The following CTTNBP2 variants were observed in gnomAD, a reference collection of about 807,000 sequenced individuals.
The protein encoded by CTTNBP2 is cortactin binding protein 2.
In CTTNBP2, 108 loss-of-function variants were observed where a neutral mutation model predicts 156.9. The ratio of observed to expected loss-of-function variants is 0.69; its 90% CI spans 0.59 to 0.81. CTTNBP2 has a LOEUF of 0.81. Ranked by LOEUF, CTTNBP2 falls within the 30% of genes least tolerant of loss-of-function variation. The pLI is 0.00. For missense variants in CTTNBP2, 1,924 were observed against 2,035.4 expected (o/e 0.95, Z 1.05); for synonymous variants, 767 against 751.8 (o/e 1.02, Z -0.33).
intron 14 of CTTNBP2, among the ~76,000 whole-genome samples, chr7:117,745,037 T>G (rs1266296963): frequency 6.6e-6 from 1 of 152,284 alleles, no homozygotes; most frequent in Non-Finnish European, 1.5e-5. Context: ...GACTAAAGTC[T>G]GGTCCATTTC....
intron 10 of CTTNBP2, 136 bp downstream of exon 10, chr7:117,760,299 G>T (rs1584956572): frequency 1.2e-6 from 1 of 819,632 alleles, no homozygotes; most frequent in African/African-American, 1.7e-5. Context: ...GAATACTCAA[G>T]TTTTTCAGCA....
chr7:117,772,442 G>A (rs1797846954), intron 8 of CTTNBP2, among the ~76,000 whole-genome samples: 1 of 152,208 alleles, frequency 6.6e-6, no homozygotes, highest in African/African-American at 2.4e-5. Context: ...AATTGCAGCA[G>A]ATTGGCCAAG....
chr7:117,776,539 C>T (rs1387183173), intron 8 of CTTNBP2, among the ~76,000 whole-genome samples: 1 of 152,084 alleles, frequency 6.6e-6, no homozygotes, highest in Non-Finnish European at 1.5e-5. Context: ...ACCTGTTATC[C>T]ACCTCCCTAC....
intron 12 of CTTNBP2, among the ~76,000 whole-genome samples, chr7:117,746,968 G>A (rs1173516157): frequency 2.6e-5 from 4 of 152,138 alleles, no homozygotes; most frequent in African/African-American, 7.2e-5. Flanking sequence ...CAAAGGCAGC[G>A]ATGTCTTGAG....
At chr7:117,739,091 C>A (rs1179560345) in intron 14 of CTTNBP2, among the ~76,000 whole-genome samples, 1 of 152,202 alleles carries the variant, frequency 6.6e-6, no homozygotes, top group Non-Finnish European at 1.5e-5. Flanking sequence ...CTCATTGCCT[C>A]AGTTTTTCAT....
intron 14 of CTTNBP2, among the ~76,000 whole-genome samples, chr7:117,740,054 T>C (rs1415547263): frequency 6.6e-6 from 1 of 152,170 alleles, no homozygotes; most frequent in Non-Finnish European, 1.5e-5. Context: ...GAGGAGAAAT[T>C]TGACCTAATT....
At chr7:117,779,691 T>A (rs951245025) in intron 7 of CTTNBP2, among the ~76,000 whole-genome samples, 3 of 151,428 alleles carry the variant, frequency 2.0e-5, no homozygotes, top group Non-Finnish European at 4.4e-5. Context: ...TAGCAATGAG[T>A]CATTAAAAAT....
At chr7:117,776,628 T>C (rs897223985) in intron 8 of CTTNBP2, among the ~76,000 whole-genome samples, 5 of 152,188 alleles carry the variant, frequency 3.3e-5, no homozygotes, top group African/African-American at 9.7e-5. Context: ...TTAACTTTCC[T>C]TGCAAAGCTC....
chr7:117,722,318 AATT>A (rs1328678926), intron 19 of CTTNBP2, among the ~76,000 whole-genome samples: 2 of 151,536 alleles, frequency 1.3e-5, no homozygotes, highest in Non-Finnish European at 2.9e-5. Context: ...TATACAGTGT[AATT>A]ATTGGAAAAA....
chr7:117,824,191 T>TTA (rs397771607), intron 2 of CTTNBP2, among the ~76,000 whole-genome samples: 1 of 151,890 alleles, frequency 6.6e-6, no homozygotes, highest in African/African-American at 2.4e-5. Context: ...TTTTTTTTTT[T>TTA]ACCTTATTAA....
chr7:117,785,460 G>A (rs1310995074), intron 4 of CTTNBP2, among the ~76,000 whole-genome samples: 2 of 152,106 alleles, frequency 1.3e-5, no homozygotes, highest in Non-Finnish European at 2.9e-5. Context: ...TCCTTATAGG[G>A]TTCTAATACC....
At chr7:117,748,869 G>A (rs189580838) in intron 12 of CTTNBP2, among the ~76,000 whole-genome samples, 1 of 152,276 alleles carries the variant, frequency 6.6e-6, no homozygotes, top group East Asian at 1.9e-4. Flanking sequence ...AGAAGTTGGG[G>A]TTGTTAGGAG....
chr7:117,742,936 G>A (rs1247956604), intron 14 of CTTNBP2, among the ~76,000 whole-genome samples: 1 of 152,214 alleles, frequency 6.6e-6, no homozygotes, highest in Admixed American at 6.5e-5. Flanking sequence ...TGGAGATGGG[G>A]GCATGCCCCA....
At chr7:117,846,077 T>G (rs544614982) in intron 2 of CTTNBP2, among the ~76,000 whole-genome samples, 46 of 152,132 alleles carry the variant, frequency 3.0e-4, no homozygotes, top group Non-Finnish European at 4.3e-4. Context: ...GGTCTCGATC[T>G]CCTGACCTCG....
intron 4 of CTTNBP2, among the ~76,000 whole-genome samples, chr7:117,789,468 A>G (rs1389523296): frequency 6.6e-6 from 1 of 152,196 alleles, no homozygotes; most frequent in African/African-American, 2.4e-5. Flanking sequence ...CTTATAGTAC[A>G]TTCTCTATTC....
chr7:117,728,354 A>G (rs966277290), intron 16 of CTTNBP2, 87 bp from the exon 17 acceptor site: 22 of 988,778 alleles, frequency 2.2e-5, no homozygotes, highest in Non-Finnish European at 3.3e-5. Context: ...AAAACTTTAA[A>G]TCAAAATTGA....
rs1361135144 is a variant in CTTNBP2, at chr7:117,757,861, A to G, written c.3268+14T>C. On this transcript the variant is annotated intron_variant, in intron 11 of 22. Transcript: ENST00000160373. ...ACACTCTTTAAACGTCACCTTAGTT[A>G]GGGACATCCTTACCTGACAAAAGCA... 3.2e-6 allele frequency: 5 copies of G among 1,569,826 alleles called. No individual in the cohort carries two copies. In the East Asian group the frequency reaches 1.1e-4, roughly 35 times the overall value.
At chr7:117,783,038 T>C (rs1798517085) in intron 5 of CTTNBP2, 77 bp from the exon 6 acceptor site, 3 of 1,014,482 alleles carry the variant, frequency 3.0e-6, no homozygotes, top group South Asian at 1.4e-5. Context: ...AAGCTGTAGA[T>C]AGATTCTAAT....
chr7:117,746,047 T>A lies in CTTNBP2; in HGVS notation c.3401A>T (p.Asp1134Val). 6.2e-7 allele frequency: 1 copy of A among 1,614,076 alleles called. No individual in the cohort carries two copies. Among genetic ancestry groups the A allele is most frequent in the Non-Finnish European group, 8.5e-7 (1 of 1,179,914 alleles). ...IFHGPEGSLQ[D>V]YIVHQLALCL... ...GAGTGCAAGCTGATGTACTATGTAG[T>A]CTTGCAAGCTTCCTTCTGGGCCGTG... Residue 1134 changes from aspartate (D) to valine (V), a missense_variant, in exon 13 of 23, where the codon GAC becomes GTC. Physicochemically the swap from Asp to Val is radical, Grantham distance 152 (BLOSUM62 -3). Coordinates refer to ENST00000160373, the MANE Select transcript of CTTNBP2 (RefSeq NM_033427.3).
Sources: gnomAD v4.1 joint callset for allele counts (sites outside exome capture counted in the v4.1 genomes callset) on GRCh38, gnomAD v4.1.1 for gene constraint, MANE v1.5 for transcripts, NCBI Gene and HGNC (gene_info 2026-07-23, HGNC 2026-07-21) for gene names.